MACROD2: variants seen among roughly 807,000 people sequenced by gnomAD.
The protein encoded by MACROD2 is ADP-ribose glycohydrolase MACROD2.
Under a neutral mutation model 70.4 loss-of-function variants are expected in MACROD2, and 36 were observed. That is an observed-to-expected ratio of 0.51 (90% CI 0.39 to 0.68). The LOEUF (loss-of-function observed/expected upper bound fraction) is 0.68. Ranked by LOEUF, MACROD2 falls within the 30% of genes least tolerant of loss-of-function variation. The probability of loss-of-function intolerance (pLI) is 0.00; values close to 1 mark genes in which losing one functional copy is unlikely to be tolerated. For synonymous variants in MACROD2, 172 were observed against 178.8 expected, an observed-to-expected ratio of 0.96 and a Z score of 0.30; for missense variants, 496 against 538.4, an observed-to-expected ratio of 0.92 and a Z score of 0.78.
At chr20:15,516,408 T>G (rs2047568338) in intron 8 of MACROD2, among the ~76,000 whole-genome samples, 1 of 152,164 alleles carries the variant, frequency 6.6e-6, no homozygotes, top group South Asian at 2.1e-4. Context: ...CCCTAGGCAT[T>G]GCACACTATT....
intron 10 of MACROD2, among the ~76,000 whole-genome samples, chr20:15,919,291 A>C (rs916931899): frequency 6.6e-6 from 1 of 152,142 alleles, no homozygotes; most frequent in African/African-American, 2.4e-5. Flanking sequence ...TCTGTGGCCT[A>C]CTCTGCCACC....
At chr20:14,085,130 C>T (rs1340027846) in intron 2 of MACROD2, among the ~76,000 whole-genome samples, 1 of 149,124 alleles carries the variant, frequency 6.7e-6, no homozygotes, top group Non-Finnish European at 1.5e-5. Context: ...GCCACTGCAG[C>T]ACTCCAGCCT....
In MACROD2 at chr20:15,937,677, T is replaced by C; in HGVS notation, c.907+133T>C. 3 of 680,436 alleles carry C rather than the reference T, an allele frequency of 4.4e-6. No homozygotes were observed. In the Admixed American group the frequency reaches 6.9e-5, roughly 16 times the overall value. The allele number at this position is 680,436 out of a possible 1,614,324, so 42.1% of individuals were successfully genotyped here. ...TTAAGTGTCTCTGTTTCCAATATAA[T>C]TGACTACACCACCTACTCTCTTTTA... On this transcript the variant is annotated intron_variant, in intron 12 of 17. Transcript: ENST00000684519.
At chr20:16,026,810 T>C (rs1459908847) in intron 15 of MACROD2, among the ~76,000 whole-genome samples, 1 of 152,170 alleles carries the variant, frequency 6.6e-6, no homozygotes. Flanking sequence ...ATAAAGCCCC[T>C]ACGAGGAGGG....
rs1367500045 is a variant in MACROD2, at chr20:14,954,772, AC to A, written c.418+269814del. On this transcript the variant is annotated intron_variant, in intron 5 of 17. Transcript: ENST00000684519. ...TAAATATATAAATAAATTTTATATA[AC>A]ATAAATTATAAATATATAAATATAT... Among the ~76,000 whole-genome samples, 6 of 1,476 alleles carry A rather than the reference AC, an allele frequency of 4.1e-3. No individual in the cohort carries two copies. In the East Asian group the frequency reaches 0.16, roughly 38 times the overall value. 1.0% of individuals were successfully genotyped at this position (1,476 alleles called of 152,430 possible).
At chr20:14,479,444 A>C (rs2084637121) in intron 3 of MACROD2, among the ~76,000 whole-genome samples, 1 of 152,122 alleles carries the variant, frequency 6.6e-6, no homozygotes, top group Admixed American at 6.5e-5. Flanking sequence ...GACTGAGCCT[A>C]CTTGGGCTGC....
chr20:15,393,082 T>C (rs1380104876), intron 6 of MACROD2, among the ~76,000 whole-genome samples: 2 of 152,068 alleles, frequency 1.3e-5, no homozygotes, highest in African/African-American at 4.8e-5. Flanking sequence ...GACCCCAGTC[T>C]AAGAGTGGCC....
chr20:15,926,361 G>C (rs2065489720), intron 10 of MACROD2, among the ~76,000 whole-genome samples: 2 of 152,160 alleles, frequency 1.3e-5, no homozygotes, highest in Admixed American at 1.3e-4. Flanking sequence ...TCATTAACTG[G>C]AGAATATTTA....
chr20:14,645,675 T>C (rs1985348263), intron 4 of MACROD2, among the ~76,000 whole-genome samples: 1 of 152,040 alleles, frequency 6.6e-6, no homozygotes, highest in South Asian at 2.1e-4. Flanking sequence ...GGAGAGAAAT[T>C]TTCATGGTAC....
At chr20:14,813,578 C>T (rs2122182879) in intron 5 of MACROD2, among the ~76,000 whole-genome samples, 1 of 151,918 alleles carries the variant, frequency 6.6e-6, no homozygotes, top group East Asian at 1.9e-4. Context: ...GTATATGTAC[C>T]ACATTTTCTT....
chr20:14,696,941 A>G (rs1812339545), intron 5 of MACROD2, among the ~76,000 whole-genome samples: 1 of 152,222 alleles, frequency 6.6e-6, no homozygotes, highest in Non-Finnish European at 1.5e-5. Flanking sequence ...TATATTAAAT[A>G]CATATACATG....
intron 3 of MACROD2, among the ~76,000 whole-genome samples, chr20:14,206,161 G>A (rs1295349800): frequency 6.6e-6 from 1 of 152,224 alleles, no homozygotes; most frequent in Non-Finnish European, 1.5e-5. Flanking sequence ...ATATTGCAAA[G>A]TATCTTACAA....
chr20:14,021,094 A>G (rs960894680), intron 2 of MACROD2, among the ~76,000 whole-genome samples: 8 of 143,264 alleles, frequency 5.6e-5, no homozygotes, highest in African/African-American at 2.1e-4. Context: ...GGTTCACACC[A>G]TTCTCCTGCC....
At chr20:14,125,686 T>G (rs991265300) in intron 3 of MACROD2, among the ~76,000 whole-genome samples, 2 of 152,180 alleles carry the variant, frequency 1.3e-5, no homozygotes, top group Admixed American at 6.5e-5. Flanking sequence ...CTTTTATCAT[T>G]TAATGATGCA....
chr20:14,108,546 A>G (rs1175584081), intron 3 of MACROD2, among the ~76,000 whole-genome samples: 2 of 151,986 alleles, frequency 1.3e-5, no homozygotes, highest in African/African-American at 2.4e-5. Flanking sequence ...CAAGACACAC[A>G]TAGACTAAAA....
chr20:14,689,707 G>A (rs893242353), intron 5 of MACROD2, among the ~76,000 whole-genome samples: 5 of 151,962 alleles, frequency 3.3e-5, no homozygotes, highest in African/African-American at 4.8e-5. Context: ...AAGTCTTCTC[G>A]CCTCACCTCA....
At chr20:15,748,843 T>C (rs1338861378) in intron 8 of MACROD2, among the ~76,000 whole-genome samples, 1 of 152,090 alleles carries the variant, frequency 6.6e-6, no homozygotes, top group Non-Finnish European at 1.5e-5. Context: ...AACACGTATA[T>C]ACTGTGTGGG....
At chr20:14,883,494 T>TC (rs2122475541) in intron 5 of MACROD2, among the ~76,000 whole-genome samples, 1 of 152,252 alleles carries the variant, frequency 6.6e-6, no homozygotes, top group South Asian at 2.1e-4. Flanking sequence ...CATGCCTTTT[T>TC]CCCTCTGGGC....
At chr20:15,554,360 A>G (rs1026917496) in intron 8 of MACROD2, among the ~76,000 whole-genome samples, 2 of 152,194 alleles carry the variant, frequency 1.3e-5, no homozygotes, top group East Asian at 1.9e-4. Flanking sequence ...TCTGCCCACA[A>G]AGGACTCTTT....
Sources: allele counts gnomAD v4.1 joint callset (sites outside exome capture counted in the v4.1 genomes callset), GRCh38; gene constraint gnomAD v4.1.1; transcripts MANE v1.5; gene names NCBI Gene and HGNC (gene_info 2026-07-23, HGNC 2026-07-21).